The following EFCAB8 variants were observed in gnomAD, a reference collection of about 807,000 sequenced individuals.
The protein encoded by EFCAB8 is EF-hand calcium binding domain 8, also known as EF-hand calcium-binding domain-containing protein 8.
In EFCAB8, 100 loss-of-function variants were observed where a neutral mutation model predicts 116.3. The observed-to-expected ratio is 0.86, with a 90% CI of 0.73 to 1.02. The LOEUF (loss-of-function observed/expected upper bound fraction) is 1.02. Among genes scored for constraint, EFCAB8 ranks in the 50% least tolerant of loss-of-function variants. EFCAB8 has a pLI of 0.00. For synonymous variants in EFCAB8, 558 were observed against 567.9 expected (o/e 0.98, Z 0.25); for missense variants, 1,320 against 1,416.9 (o/e 0.93, Z 1.10).
rs1987902309 is a variant in EFCAB8, at chr20:32,931,321, C to G, written c.2775C>G (p.Pro925=). Residue 925 remains proline (P), a synonymous_variant, in exon 22 of 27, where the codon CCC becomes CCG. Coordinates refer to ENST00000400522, the MANE Select transcript of EFCAB8 (RefSeq NM_001143967.2). Reference sequence around the variant, plus strand: ...GGACCAACTTCCCACACTACATTCCCTTGGAGGATAAAGAGGTAGGAGGAT... The same window carrying G: ...GGACCAACTTCCCACACTACATTCCGTTGGAGGATAAAGAGGTAGGAGGAT... ...QLGTNFPHYI[P]LEDKEVVAGH... 1.9e-6 allele frequency: 3 copies of G among 1,545,610 alleles called. No homozygotes were observed. Among genetic ancestry groups the G allele is most frequent in the African/African-American group, 1.4e-5 (1 of 72,884 alleles).
rs1016854655 is a variant in EFCAB8, at chr20:32,885,093, G to A, written c.432-412G>A. Among the ~76,000 whole-genome samples the A allele has an allele frequency of 2.6e-5, 4 of 152,130 alleles. No homozygotes were observed. In the East Asian group the frequency reaches 7.7e-4, roughly 29 times the overall value. ...AGCACTAGAGCAGTTGCTAGAAAGT[G>A]CTGTTTCTCAGTTTTCAGCCTCAGG... On this transcript the variant is annotated intron_variant, in intron 5 of 26. Transcript: ENST00000400522.
chr20:32,904,420 C>T (rs1352405654), intron 11 of EFCAB8, among the ~76,000 whole-genome samples: 2 of 145,158 alleles, frequency 1.4e-5, no homozygotes, highest in African/African-American at 5.2e-5. Flanking sequence ...CCCACCTCAG[C>T]CTTGCAAGTA....
chr20:32,920,145 AAG>A lies in EFCAB8; in HGVS notation c.2345_2346del (p.Glu782GlyfsTer2). On this transcript the variant is annotated frameshift_variant, in exon 20 of 27. Transcript: ENST00000400522. LOFTEE classifies it high-confidence loss of function. ...ATCCACAGCAAACAGTCCATTTACA[AAG>A]AGGATGAAACGAGAAAAGGAGAATG... 1 of 1,551,720 alleles carries A rather than the reference AAG, an allele frequency of 6.4e-7. No individual in the cohort carries two copies. Among genetic ancestry groups the A allele is most frequent in the Non-Finnish European group, 8.7e-7 (1 of 1,147,000 alleles).
intron 22 of EFCAB8, among the ~76,000 whole-genome samples, chr20:32,931,931 G>A (rs1987925697): frequency 6.6e-6 from 1 of 152,204 alleles, no homozygotes; most frequent in Non-Finnish European, 1.5e-5. Flanking sequence ...GGCAAAAGAA[G>A]TCAGACCCAG....
In EFCAB8 at chr20:32,906,918, G is replaced by T. The variant is rs1986705914; in HGVS notation, c.1232G>T (p.Gly411Val). 2 of 1,550,842 alleles carry T rather than the reference G, an allele frequency of 1.3e-6. No individual in the cohort carries two copies. Among genetic ancestry groups the T allele is most frequent in the Non-Finnish European group, 1.7e-6 (2 of 1,146,626 alleles). Reference sequence around the variant, plus strand: ...AAGAGGCCCGTGTGGCTGATGAAGGGACACCAGACCTCAGTGACGCACATC... The same window carrying T: ...AAGAGGCCCGTGTGGCTGATGAAGGTACACCAGACCTCAGTGACGCACATC... ...VSKRPVWLMKGHQTSVTHILV... is the reference protein window; with the variant it reads ...VSKRPVWLMKVHQTSVTHILV... Residue 411 changes from glycine to valine, a missense_variant, in exon 13 of 27, where the codon GGA becomes GTA. Coordinates refer to ENST00000400522, the MANE Select transcript of EFCAB8 (RefSeq NM_001143967.2).
intron 3 of EFCAB8, among the ~76,000 whole-genome samples, chr20:32,871,717 G>A (rs1600365554): frequency 6.6e-6 from 1 of 152,078 alleles, no homozygotes; most frequent in South Asian, 2.1e-4. Context: ...TTATGAGTGC[G>A]GGCTCCATAC....
chr20:32,902,872 C>T (rs556308844), intron 11 of EFCAB8, among the ~76,000 whole-genome samples: 1 of 152,194 alleles, frequency 6.6e-6, no homozygotes. Context: ...GCAAATCTGA[C>T]GGAGCGGGTG....
chr20:32,957,841 A>G (rs926198851), intron 23 of EFCAB8, among the ~76,000 whole-genome samples: 5 of 150,220 alleles, frequency 3.3e-5, no homozygotes, highest in East Asian at 3.9e-4. Context: ...CCTTTCTGTC[A>G]TCTTAGTTCA....
intron 1 of EFCAB8, among the ~76,000 whole-genome samples, chr20:32,860,446 G>A (rs926016544): frequency 1.3e-5 from 2 of 151,162 alleles, no homozygotes; most frequent in African/African-American, 4.9e-5. Context: ...TATCGGATCA[G>A]GAGGTGTGTG....
At chr20:32,912,993 A>C in intron 17 of EFCAB8, 129 bp downstream of exon 17, 2 of 630,858 alleles carry the variant, frequency 3.2e-6, no homozygotes, top group Middle Eastern at 5.1e-4. Flanking sequence ...GTTAATGACT[A>C]TTGCTTCATC....
chr20:32,939,104 CCTTTCTTTCTCTCTTTCTTTCTCTTT>C lies in EFCAB8; in HGVS notation c.2791-4521_2791-4496del, dbSNP rs1163623103. Among the ~76,000 whole-genome samples, 11 of 129,106 alleles carry C rather than the reference CCTTTCTTTCTCTCTTTCTTTCTCTTT, an allele frequency of 8.5e-5. No homozygotes were observed. The East Asian group carries it at 1.7e-3, about 20-fold the overall frequency. The allele number at this position is 129,106 out of a possible 152,430, so 84.7% of individuals were successfully genotyped here. On this transcript the variant is annotated intron_variant, in intron 22 of 26. Transcript: ENST00000400522. ...TCTTTCTTTTTTCTTTTCCTTCCTT[CCTTTCTTTCTCTCTTTCTTTCTCTTT>C]CTTTCTTTCTTTCTTTCTTTCTTTC...
At chr20:32,940,023 C>CCTTCCTTCCTTCCTTCCTT (rs1988346452) in intron 22 of EFCAB8, among the ~76,000 whole-genome samples, 1 of 56,076 alleles carries the variant, frequency 1.8e-5, no homozygotes, top group East Asian at 4.5e-4. Flanking sequence ...CTCCCTCCCT[C>CCTTCCTTCCTTCCTTCCTT]CCTTCCTTCC....
At position 32,960,066 on chromosome 20, in the gene EFCAB8, A is replaced by T; in HGVS notation, c.3298A>T (p.Ser1100Cys). 1 of 1,551,686 alleles carries T rather than the reference A, an allele frequency of 6.4e-7. No homozygotes were observed. ...NKWESRDKQV[S>C]KVLGAAYKPK... ...TTCTTGGGCGTGGCTCCTGCAGGTG[A>T]GCAAAGTCTTGGGAGCGGCGTATAA... The change falls in exon 26 of 27, where the codon AGC (serine) becomes TGC (cysteine). Residue 1100 changes from serine to cysteine, a missense_variant. Coordinates refer to ENST00000400522, the MANE Select transcript of EFCAB8 (RefSeq NM_001143967.2).
chr20:32,862,230 A>G (rs113257709), intron 1 of EFCAB8, among the ~76,000 whole-genome samples: 2,053 of 151,382 alleles, frequency 0.014, 43 homozygotes, highest in African/African-American at 0.047. Context: ...TCCTGGGCTC[A>G]AGTAATTCTC....
rs1987237519 is a variant in EFCAB8, at chr20:32,917,360, A to T, written c.1916A>T (p.Asp639Val). 1 of 1,551,754 alleles carries T rather than the reference A, an allele frequency of 6.4e-7. No individual in the cohort carries two copies. Among genetic ancestry groups the T allele is most frequent in the African/African-American group, 1.4e-5 (1 of 73,160 alleles). ...CACTGGCAGACCTACCACACGGAGG[A>T]CATCCTGAGCATGGCCAAGTACCGG... is the stretch of plus-strand genomic sequence containing the variant. The part of the protein sequence containing the change: ...CYHWQTYHTE[D>V]ILSMAKYRNQ... The change falls in exon 18 of 27, where the codon GAC becomes GTC. Residue 639 changes from aspartate (D) to valine (V), a missense_variant. Asp to Val is a radical substitution (Grantham distance 152). Coordinates refer to ENST00000400522, the MANE Select transcript of EFCAB8 (RefSeq NM_001143967.2).
In EFCAB8 at chr20:32,931,216, AC is replaced by A; in HGVS notation, c.2671del (p.Gln891SerfsTer21). 1 of 1,550,470 alleles carries A rather than the reference AC, an allele frequency of 6.4e-7. No individual in the cohort carries two copies. Among genetic ancestry groups the A allele is most frequent in the African/African-American group, 1.4e-5 (1 of 73,092 alleles). On this transcript the variant is annotated frameshift_variant, in exon 22 of 27. Coordinates refer to ENST00000400522, the MANE Select transcript of EFCAB8 (RefSeq NM_001143967.2). LOFTEE classifies it high-confidence loss of function. ...AGGATTACTGCGCATTGATTGATAA[AC>A]AGCCATTCCAATCCAGTGGGGCCAA... is the stretch of plus-strand genomic sequence containing the variant. ...IKDYCALIDK[Q>X]PFQSSGAKVV...
chr20:32,885,201 C>T (rs761283862), intron 5 of EFCAB8, among the ~76,000 whole-genome samples: 3 of 152,314 alleles, frequency 2.0e-5, no homozygotes, highest in Non-Finnish European at 4.4e-5. Flanking sequence ...TCCTCTGTCC[C>T]ATCACGTCGC....
At chr20:32,872,811 G>T (rs1482821896) in intron 3 of EFCAB8, among the ~76,000 whole-genome samples, 1 of 145,988 alleles carries the variant, frequency 6.8e-6, no homozygotes, top group Non-Finnish European at 1.5e-5. Flanking sequence ...AAAACAAAAG[G>T]CCGGGTGCAG....
chr20:32,919,396 A>G (rs1163246853), intron 19 of EFCAB8, among the ~76,000 whole-genome samples: 3 of 152,188 alleles, frequency 2.0e-5, no homozygotes, highest in South Asian at 2.1e-4. Flanking sequence ...ACACTTGACC[A>G]TAAGACATTC....
Sources: gnomAD v4.1 joint callset for allele counts (sites outside exome capture counted in the v4.1 genomes callset) on GRCh38, gnomAD v4.1.1 for gene constraint, MANE v1.5 for transcripts, NCBI Gene and HGNC (gene_info 2026-07-23, HGNC 2026-07-21) for gene names.